The following ANKLE2 variants were observed in gnomAD, a reference collection of about 807,000 sequenced individuals.
ANKLE2 encodes the protein ankyrin repeat and LEM domain-containing protein 2.
Under a neutral mutation model 84.2 loss-of-function variants are expected in ANKLE2, and 55 were observed. That is an observed-to-expected ratio of 0.65 (90% CI 0.53 to 0.82). ANKLE2 has a LOEUF of 0.82. Among genes scored for constraint, ANKLE2 ranks in the 40% least tolerant of loss-of-function variants. The pLI, the probability that ANKLE2 is intolerant of heterozygous loss-of-function variation, is 0.00. For missense variants in ANKLE2, 1,238 were observed against 1,201.9 expected, an observed-to-expected ratio of 1.03 and a Z score of -0.44; for synonymous variants, 551 against 486.1, an observed-to-expected ratio of 1.13 and a Z score of -1.76.
Position 132,744,675 on chromosome 12 carries a change from G to GT in ANKLE2, c.1231-1400dup, listed in dbSNP as rs2044197871. Among the ~76,000 whole-genome samples, 5 of 152,256 alleles carry GT rather than the reference G, an allele frequency of 3.3e-5. No homozygotes were observed. The South Asian group carries it at 1.0e-3, about 32-fold the overall frequency. Reference sequence around the variant, plus strand: ...AGCTTTCTTGGACAAGGACCAGATAGTAAGCACTATAGACTTTTTTTTTGA... The same window carrying GT: ...AGCTTTCTTGGACAAGGACCAGATAGTTAAGCACTATAGACTTTTTTTTTGA... On this transcript the variant is annotated intron_variant, in intron 5 of 12. Coordinates refer to ENST00000357997, the MANE Select transcript of ANKLE2 (RefSeq NM_015114.3).
At chr12:132,735,773 C>T (rs1380636899) in intron 8 of ANKLE2, among the ~76,000 whole-genome samples, 2 of 152,164 alleles carry the variant, frequency 1.3e-5, no homozygotes, top group African/African-American at 4.8e-5. Flanking sequence ...ACCAGGAGGG[C>T]CCGAGCACGA....
rs749695552 is a variant in ANKLE2 at position 132,741,435 on chromosome 12, G to C, written c.1404C>G (p.Ile468Met). 13 of 1,614,108 alleles carry C rather than the reference G, an allele frequency of 8.1e-6. No individual in the cohort carries two copies. Among genetic ancestry groups the C allele is most frequent in the Non-Finnish European group, 1.1e-5 (13 of 1,180,030 alleles). The change falls in exon 7 of 13, where the codon ATC becomes ATG. Residue 468 changes from isoleucine (I) to methionine (M), a missense_variant. Around this residue, in one of 3 missense-constraint regions of ANKLE2, gnomAD observed 802 missense variants for 774.5 expected, o/e 1.04. Transcript: ENST00000357997. ...CCATCTTACCCTTTAAATACTCTCT[G>C]ATCCGCTCCTTCAGTTCCACAGATT... ...KNKSVELKER[I>M]REYLKGHYYV...
At chr12:132,755,315 G>C (rs563959431) in intron 1 of ANKLE2, 182 bp from the exon 2 acceptor site, 6 of 563,674 alleles carry the variant, frequency 1.1e-5, no homozygotes, top group Non-Finnish European at 1.8e-5. Context: ...AGGCTGAGGC[G>C]GGCGGATCAT....
intron 7 of ANKLE2, among the ~76,000 whole-genome samples, chr12:132,739,240 AC>A (rs1294372045): frequency 2.6e-5 from 4 of 152,164 alleles, no homozygotes; most frequent in African/African-American, 9.6e-5. Flanking sequence ...CTGCACACTT[AC>A]CCCTGAACCT....
At chr12:132,747,163 C>T (rs1300829548) in intron 5 of ANKLE2, among the ~76,000 whole-genome samples, 1 of 152,210 alleles carries the variant, frequency 6.6e-6, no homozygotes, top group Non-Finnish European at 1.5e-5. Context: ...ACCTTTTCTC[C>T]GGAGCTACCA....
intron 3 of ANKLE2, among the ~76,000 whole-genome samples, chr12:132,750,275 A>T (rs1381958083): frequency 2.0e-5 from 3 of 151,600 alleles, no homozygotes; most frequent in African/African-American, 7.3e-5. Context: ...TTTCTCAGCT[A>T]CTTGGGAGGC....
Position 132,750,739 on chromosome 12 carries a change from T to C in ANKLE2, c.751A>G (p.Arg251Gly). The C allele has an allele frequency of 6.2e-7, 1 of 1,614,266 alleles. No individual in the cohort carries two copies. Among genetic ancestry groups the C allele is most frequent in the Non-Finnish European group, 8.5e-7 (1 of 1,180,046 alleles). Residue 251 changes from arginine to glycine, a missense_variant, in exon 3 of 13, where the codon AGA (arginine) becomes GGA (glycine). Transcript: ENST00000357997. ...STREDAEKFARGICDYFPSPS... is the reference protein window; with the variant it reads ...STREDAEKFAGGICDYFPSPS... ...GAAGGGAAATAATCACAAATTCCTCTAGCAAATTTCTCAGCGTCTTCTCTG... is the reference window on the plus strand; with the variant it reads ...GAAGGGAAATAATCACAAATTCCTCCAGCAAATTTCTCAGCGTCTTCTCTG...
chr12:132,730,515 C>T lies in ANKLE2; in HGVS notation c.1892-245G>A, dbSNP rs572525033. 7.4e-4 allele frequency: 370 copies of T among 501,064 alleles called. 1 individual carries two copies. Among genetic ancestry groups the T allele is most frequent in the Non-Finnish European group, 1.2e-3 (326 of 279,426 alleles). The allele number at this position is 501,064 out of a possible 1,614,324, so 31.0% of individuals were successfully genotyped here. A position where few individuals can be genotyped will look rare whatever the true frequency, so the allele number is the denominator to read the frequency against. ...ACTCCCTGGAAAAGGGCAAACAGGA[C>T]CCTCCAGACACAATCAGGCTGCTGG... is the stretch of plus-strand genomic sequence containing the variant. On this transcript the variant is annotated intron_variant, in intron 10 of 12. Transcript: ENST00000357997.
At position 132,754,774 on chromosome 12, in the gene ANKLE2, T is replaced by C. The variant is rs1268764905; in HGVS notation, c.541A>G (p.Ser181Gly). ...VTSKTCSVPP[S>G]DTDTYRAGAT... ...CCAGCTCTGTAGGTGTCGGTGTCAC[T>C]AGGGGGCACCGAGCAGGTCTTGGAT... Residue 181 changes from serine (S) to glycine (G), a missense_variant, in exon 2 of 13, where the codon AGT becomes GGT. Coordinates refer to ENST00000357997, the MANE Select transcript of ANKLE2 (RefSeq NM_015114.3). The C allele has an allele frequency of 1.9e-5, 31 of 1,613,980 alleles. No homozygotes were observed. Among genetic ancestry groups the C allele is most frequent in the Non-Finnish European group, 2.6e-5 (31 of 1,180,014 alleles).
intron 1 of ANKLE2, 44 bp downstream of exon 1, chr12:132,761,574 G>T: frequency 8.3e-7 from 1 of 1,202,886 alleles, no homozygotes; most frequent in Non-Finnish European, 1.0e-6. Flanking sequence ...TCGGGGCGGG[G>T]AAGGGGCCAG....
intron 5 of ANKLE2, among the ~76,000 whole-genome samples, chr12:132,746,997 G>A (rs1206621708): frequency 6.6e-6 from 1 of 152,228 alleles, no homozygotes; most frequent in Non-Finnish European, 1.5e-5. Flanking sequence ...GCACCCTTTA[G>A]AAGAGCTGTG....
chr12:132,754,639 A>C (rs1270699422), intron 2 of ANKLE2, 36 bp downstream of exon 2: 2 of 1,555,556 alleles, frequency 1.3e-6, no homozygotes, highest in African/African-American at 2.7e-5. Flanking sequence ...CGTATGTGCT[A>C]TCTGTGTGAG....
chr12:132,729,911 T>C lies in ANKLE2; in HGVS notation c.2251A>G (p.Thr751Ala). ...TTAGTTTTTGTACTTTCATCTGGTG[T>C]CTTGGAAACGCTACGTCCTATATTT... ...LQNIGRSVSK[T>A]PDESTKTKDQ... is the part of the protein sequence containing the mutation. Residue 751 changes from threonine to alanine, a missense_variant, in exon 11 of 13, where the codon ACA (threonine) becomes GCA (alanine). By Grantham distance (58) the Thr-to-Ala change is moderately conservative. This residue lies in a region of ANKLE2 where 802 missense variants were observed against 774.5 expected (regional missense o/e 1.04). Coordinates refer to ENST00000357997, the MANE Select transcript of ANKLE2 (RefSeq NM_015114.3). 6.2e-7 allele frequency: 1 copy of C among 1,613,716 alleles called. No individual in the cohort carries two copies. Among genetic ancestry groups the C allele is most frequent in the Non-Finnish European group, 8.5e-7 (1 of 1,179,910 alleles).
Position 132,725,999 on chromosome 12 carries a change from TACAA to T in ANKLE2, c.*1239_*1242del, listed in dbSNP as rs1213911241. ...AAACAAAGTTTCAATTCAGAATTTT[TACAA>T]ACAAAAACAATCCTGCGTCTACTTA... is the stretch of plus-strand genomic sequence containing the variant. On this transcript the variant is annotated 3_prime_UTR_variant, in exon 13 of 13. Transcript: ENST00000357997. 1.3e-5 allele frequency: 2 copies of T among 152,210 alleles called. No homozygotes were observed. The highest frequency in any genetic ancestry group is 2.4e-5 in the African/African-American group (1 of 41,464). The allele number at this position is 152,210 out of a possible 1,614,324, so 9.4% of individuals were successfully genotyped here. A position where few individuals can be genotyped will look rare whatever the true frequency, so the allele number is the denominator to read the frequency against.
rs758820706 is a variant in ANKLE2, at chr12:132,743,290, C to T, written c.1231-14G>A. The stretch of plus-strand genomic sequence containing the variant: ...TGTGTCATAGCCCTGAAAAAAGGTG[C>T]AGAGGAAGTACAATTATTCACACTT... On this transcript the variant is annotated splice_polypyrimidine_tract_variant and intron_variant, in intron 5 of 12. Coordinates refer to ENST00000357997, the MANE Select transcript of ANKLE2 (RefSeq NM_015114.3). This position sits in a 1 kb window ranked among gnomAD's most constrained non-coding sequence, Gnocchi z 4.1. 4.6e-5 allele frequency: 73 copies of T among 1,585,516 alleles called. No homozygotes were observed. Among genetic ancestry groups the T allele is most frequent in the Non-Finnish European group, 6.3e-5 (73 of 1,164,514 alleles).
chr12:132,735,074 A>T, intron 9 of ANKLE2: 1 of 325,684 alleles, frequency 3.1e-6, no homozygotes, highest in South Asian at 4.1e-5. Context: ...CTTTGTGGCT[A>T]TGGCCTATTT....
At chr12:132,739,837 C>T (rs553032794) in intron 7 of ANKLE2, among the ~76,000 whole-genome samples, 3 of 152,212 alleles carry the variant, frequency 2.0e-5, no homozygotes, top group South Asian at 2.1e-4. Flanking sequence ...GCCTGGGCTT[C>T]GCATGAGCCT....
intron 6 of ANKLE2, 199 bp from the exon 7 acceptor site, chr12:132,741,684 A>G: frequency 1.5e-6 from 1 of 667,798 alleles, no homozygotes; most frequent in East Asian, 2.8e-5. Flanking sequence ...AGGAGAACAC[A>G]CTCTGGGATT....
At chr12:132,761,499 G>A in intron 1 of ANKLE2, 119 bp downstream of exon 1, 1 of 900,090 alleles carries the variant, frequency 1.1e-6, no homozygotes, top group Non-Finnish European at 1.4e-6. Context: ...TGGTTTCCCC[G>A]GCCGCCTCGC....
Sources: allele counts gnomAD v4.1 joint callset (sites outside exome capture counted in the v4.1 genomes callset), GRCh38; gene constraint gnomAD v4.1.1; regional missense constraint gnomAD v4.1.1; non-coding constraint Gnocchi (gnomAD v3.1); transcripts MANE v1.5; gene names NCBI Gene and HGNC (gene_info 2026-07-23, HGNC 2026-07-21).